Variants in HS3ST4 observed in about 807,000 individuals in gnomAD.
The protein encoded by HS3ST4 is heparan sulfate glucosamine 3-O-sulfotransferase 4.
HS3ST4 carries 17 observed loss-of-function variants against 29.2 expected under a neutral mutation model. The ratio of observed to expected loss-of-function variants is 0.58; its 90% CI spans 0.40 to 0.87. The LOEUF (loss-of-function observed/expected upper bound fraction) is 0.87, where lower values mean the gene tolerates loss of function less well. Among genes scored for constraint, HS3ST4 ranks in the 40% least tolerant of loss-of-function variants. The probability of loss-of-function intolerance (pLI) is 0.00; values close to 1 mark genes in which losing one functional copy is unlikely to be tolerated. For synonymous variants in HS3ST4, 314 were observed against 285.7 expected, an observed-to-expected ratio of 1.10 and a Z score of -1.00; for missense variants, 627 against 634.5, an observed-to-expected ratio of 0.99 and a Z score of 0.13.
In HS3ST4 at chr16:26,136,250, G is replaced by T. The variant is rs1488955961; in HGVS notation, c.*2G>T. 2 of 1,608,536 alleles carry T rather than the reference G, an allele frequency of 1.2e-6. No individual in the cohort carries two copies. The highest frequency in any genetic ancestry group is 2.2e-5 in the East Asian group (1 of 44,764). On this transcript the variant is annotated 3_prime_UTR_variant, in exon 2 of 2. Coordinates refer to ENST00000331351, the MANE Select transcript of HS3ST4 (RefSeq NM_006040.3). ...GAACAGGAAGAGGGTGATAAATGAG[G>T]CTAGAGAGGCAGAGGAAGGCTAGTC... is the stretch of plus-strand genomic sequence containing the variant.
At chr16:26,113,350 G>A (rs1367407037) in intron 1 of HS3ST4, among the ~76,000 whole-genome samples, 1 of 151,718 alleles carries the variant, frequency 6.6e-6, no homozygotes, top group East Asian at 1.9e-4. Flanking sequence ...GGAGGCTGAG[G>A]CAAGAGAATC....
rs1567249511 is a variant in HS3ST4, at chr16:25,828,298, TTC to T, written c.734+135148_734+135149del. Among the ~76,000 whole-genome samples the T allele has an allele frequency of 3.2e-3, 90 of 27,920 alleles. 7 individuals carry two copies. The highest frequency in any genetic ancestry group is 4.9e-3 in the Admixed American group (12 of 2,468). 18.3% of individuals were successfully genotyped at this position (27,920 alleles called of 152,430 possible). Reference sequence around the variant, plus strand: ...TTTCTTTCTTTCTTTCTTTCTTTCTTTCCCTCTCTCTCTCTCTCTCTCTCTCT... The same window carrying T: ...TTTCTTTCTTTCTTTCTTTCTTTCTTCCTCTCTCTCTCTCTCTCTCTCTCT... On this transcript the variant is annotated intron_variant, in intron 1 of 1. Coordinates refer to ENST00000331351, the MANE Select transcript of HS3ST4 (RefSeq NM_006040.3).
intron 1 of HS3ST4, among the ~76,000 whole-genome samples, chr16:25,779,324 C>G (rs1308232872): frequency 2.0e-5 from 3 of 152,204 alleles, no homozygotes; most frequent in African/African-American, 4.8e-5. Context: ...ATCATTATAT[C>G]TTTTTACAAA....
chr16:25,825,094 G>A (rs1263688432), intron 1 of HS3ST4, among the ~76,000 whole-genome samples: 1 of 152,156 alleles, frequency 6.6e-6, no homozygotes, highest in Non-Finnish European at 1.5e-5. Flanking sequence ...TCTTTGTGAA[G>A]ACATCAAGAC....
chr16:25,774,698 G>A (rs544211148), intron 1 of HS3ST4, among the ~76,000 whole-genome samples: 26 of 152,346 alleles, frequency 1.7e-4, no homozygotes, highest in African/African-American at 5.5e-4. Flanking sequence ...AGTGTGCGTG[G>A]CATACTATAG....
At chr16:25,812,106 A>G (rs778327350) in intron 1 of HS3ST4, among the ~76,000 whole-genome samples, 2 of 152,124 alleles carry the variant, frequency 1.3e-5, no homozygotes, top group African/African-American at 4.8e-5. Flanking sequence ...TTTTCTTTTC[A>G]TATGAATCAC....
At position 26,130,691 on chromosome 16, in the gene HS3ST4, C is replaced by T. The variant is rs142443307; in HGVS notation, c.735-4921C>T. Among the ~76,000 whole-genome samples the T allele has an allele frequency of 6.4e-4, 98 of 152,168 alleles. 1 individual carries two copies. The highest frequency in any genetic ancestry group is 2.6e-4 in the Non-Finnish European group (18 of 67,998). The stretch of plus-strand genomic sequence containing the variant: ...GAAATAAAACACAATTTTTTTTGCA[C>T]ACCTAGCATCTGAACACCTTTCAGT... On this transcript the variant is annotated intron_variant, in intron 1 of 1. Transcript: ENST00000331351.
chr16:26,012,390 G>C (rs563378554), intron 1 of HS3ST4, among the ~76,000 whole-genome samples: 2 of 152,344 alleles, frequency 1.3e-5, no homozygotes, highest in Admixed American at 1.3e-4. Context: ...GTAAAATCAA[G>C]ATTTAGGCAG....
intron 1 of HS3ST4, among the ~76,000 whole-genome samples, chr16:25,845,459 A>G (rs1967455663): frequency 6.6e-6 from 1 of 152,148 alleles, no homozygotes; most frequent in South Asian, 2.1e-4. Flanking sequence ...CAGTGAGCTG[A>G]GATCGTGCCA....
At chr16:25,792,299 G>A (rs1966870982) in intron 1 of HS3ST4, among the ~76,000 whole-genome samples, 1 of 151,748 alleles carries the variant, frequency 6.6e-6, no homozygotes, top group Admixed American at 6.6e-5. Context: ...TTAAATTAAT[G>A]CTTGCCTCAT....
At chr16:25,951,806 A>C (rs1244825557) in intron 1 of HS3ST4, among the ~76,000 whole-genome samples, 1 of 152,208 alleles carries the variant, frequency 6.6e-6, no homozygotes, top group Admixed American at 6.5e-5. Flanking sequence ...CTAGACCAAG[A>C]GTTGGCAAAC....
intron 1 of HS3ST4, among the ~76,000 whole-genome samples, chr16:25,842,412 C>T (rs1967424799): frequency 6.6e-6 from 1 of 152,198 alleles, no homozygotes; most frequent in Non-Finnish European, 1.5e-5. Flanking sequence ...CCACAGATTT[C>T]AGTGATCGTA....
At chr16:26,020,167 A>G (rs1235858356) in intron 1 of HS3ST4, among the ~76,000 whole-genome samples, 1 of 152,218 alleles carries the variant, frequency 6.6e-6, no homozygotes, top group African/African-American at 2.4e-5. Flanking sequence ...AGCCCAGAGA[A>G]CACAGTGGCA....
intron 1 of HS3ST4, among the ~76,000 whole-genome samples, chr16:25,743,021 C>G (rs1966664598): frequency 6.6e-6 from 1 of 152,160 alleles, no homozygotes; most frequent in Non-Finnish European, 1.5e-5. Flanking sequence ...TCCGCAAAGC[C>G]CCTGGTCATT....
At chr16:25,774,483 C>A (rs1004418240) in intron 1 of HS3ST4, among the ~76,000 whole-genome samples, 1 of 152,334 alleles carries the variant, frequency 6.6e-6, no homozygotes, top group Non-Finnish European at 1.5e-5. Context: ...TCTTCCCTTG[C>A]TACAGCAATG....
At chr16:25,829,404 A>C (rs1185888898) in intron 1 of HS3ST4, among the ~76,000 whole-genome samples, 1 of 152,172 alleles carries the variant, frequency 6.6e-6, no homozygotes, top group African/African-American at 2.4e-5. Flanking sequence ...ACACTATTTC[A>C]TTTTTATTTT....
At chr16:25,794,435 CG>C (rs1234973728) in intron 1 of HS3ST4, among the ~76,000 whole-genome samples, 1 of 151,658 alleles carries the variant, frequency 6.6e-6, no homozygotes. Flanking sequence ...TGAATTCTCT[CG>C]GGTTTTATCG....
At chr16:25,947,412 C>A (rs1233487291) in intron 1 of HS3ST4, among the ~76,000 whole-genome samples, 2 of 152,216 alleles carry the variant, frequency 1.3e-5, no homozygotes, top group Admixed American at 6.5e-5. Flanking sequence ...CAATGGCCCA[C>A]AACAAGCATT....
chr16:25,712,644 T>C (rs1425066140), intron 1 of HS3ST4, among the ~76,000 whole-genome samples: 6 of 152,030 alleles, frequency 3.9e-5, no homozygotes, highest in Non-Finnish European at 5.9e-5. Context: ...AATATTGGGA[T>C]GGCAAAATCC....
Sources: gnomAD v4.1 joint callset for allele counts (sites outside exome capture counted in the v4.1 genomes callset) on GRCh38, gnomAD v4.1.1 for gene constraint, MANE v1.5 for transcripts, NCBI Gene and HGNC (gene_info 2026-07-23, HGNC 2026-07-21) for gene names.